Variants in ITPKC observed in about 807,000 individuals in gnomAD.
The protein encoded by ITPKC is inositol-trisphosphate 3-kinase C.
A neutral mutation model predicts 67.1 loss-of-function variants in ITPKC; 33 were observed. That is an observed-to-expected ratio of 0.49 (90% confidence interval 0.37 to 0.66). The LOEUF is 0.66. Ranked by LOEUF, ITPKC falls within the 30% of genes least tolerant of loss-of-function variation. The pLI, the probability that ITPKC is intolerant of heterozygous loss-of-function variation, is 0.00. For missense variants in ITPKC, 820 were observed against 892.1 expected (o/e 0.92, Z 1.03); for synonymous variants, 341 against 359.8 (o/e 0.95, Z 0.59).
In ITPKC at chr19:40,733,189, C is replaced by T. The variant is rs2082279627; in HGVS notation, c.1499C>T (p.Ala500Val). Residue 500 changes from alanine (A) to valine (V), a missense_variant, in exon 4 of 7, where the codon GCA becomes GTA. Ala to Val is a moderately conservative substitution (Grantham distance 64, BLOSUM62 0). This residue lies in a region of ITPKC where 339 missense variants were observed against 422.0 expected (regional missense o/e 0.80). Coordinates refer to ENST00000263370, the MANE Select transcript of ITPKC (RefSeq NM_025194.3). ...TATCTGGAAGAGGAGCTAGTGAAGG[C>T]ACGGGAACGTCCCCGTCCCCGGAAG... ...RTYLEEELVK[A>V]RERPRPRKDM... 6.2e-7 allele frequency: 1 copy of T among 1,614,208 alleles called. No individual in the cohort carries two copies. The highest frequency in any genetic ancestry group is 8.5e-7 in the Non-Finnish European group (1 of 1,180,014).
chr19:40,720,509 T>C (rs1036239669), intron 1 of ITPKC, among the ~76,000 whole-genome samples: 16 of 152,082 alleles, frequency 1.1e-4, no homozygotes, highest in Non-Finnish European at 2.4e-4. Context: ...GTTTAAACCC[T>C]CCAGTGTGTA....
At position 40,740,798 on chromosome 19, in the gene ITPKC, G is replaced by A. The variant is rs1197470100; in HGVS notation, c.*1238G>A. 5.1e-6 allele frequency: 2 copies of A among 395,052 alleles called. No homozygotes were observed. The highest frequency in any genetic ancestry group is 8.9e-6 in the Non-Finnish European group (2 of 224,288). 24.5% of individuals were successfully genotyped at this position (395,052 alleles called of 1,614,324 possible). ...GGGTAGTACTGGGAAGCAGGAGGCA[G>A]AATGGCTCTGCTGAGCCTCCTACCC... On this transcript the variant is annotated 3_prime_UTR_variant, in exon 7 of 7. Transcript: ENST00000263370.
At position 40,723,016 on chromosome 19, in the gene ITPKC, C is replaced by T. The variant is rs187986196; in HGVS notation, c.1156-2324C>T. Among the ~76,000 whole-genome samples the T allele has an allele frequency of 1.2e-3, 177 of 152,128 alleles. 3 individuals carry two copies. Among genetic ancestry groups the T allele is most frequent in the African/African-American group, 4.0e-3 (165 of 41,498 alleles). On this transcript the variant is annotated intron_variant, in intron 1 of 6. Coordinates refer to ENST00000263370, the MANE Select transcript of ITPKC (RefSeq NM_025194.3). ...TCGCTTTCTCGCCCAGGCTGGAGTG[C>T]AGTGGCACAATCTCGGCTCACTGCA...
intron 4 of ITPKC, among the ~76,000 whole-genome samples, chr19:40,733,763 G>C (rs2082282503): frequency 6.6e-6 from 1 of 152,046 alleles, no homozygotes; most frequent in African/African-American, 2.4e-5. Flanking sequence ...AAATATAATT[G>C]TATGAATAGG....
Position 40,739,830 on chromosome 19 carries a change from G to C in ITPKC, c.*270G>C, listed in dbSNP as rs190675206. On this transcript the variant is annotated 3_prime_UTR_variant, in exon 7 of 7. Coordinates refer to ENST00000263370, the MANE Select transcript of ITPKC (RefSeq NM_025194.3). Reference sequence around the variant, plus strand: ...CAGAAAAACCAGAACGGGGTCCCCGGATCTGCCGGGAAGGCTTCTGAGGGG... The same window carrying C: ...CAGAAAAACCAGAACGGGGTCCCCGCATCTGCCGGGAAGGCTTCTGAGGGG... 3 of 516,816 alleles carry C rather than the reference G, an allele frequency of 5.8e-6. No homozygotes were observed. Among genetic ancestry groups the C allele is most frequent in the Non-Finnish European group, 1.0e-5 (3 of 286,918 alleles). 32.0% of individuals were successfully genotyped at this position (516,816 alleles called of 1,614,324 possible). A position where few individuals can be genotyped will look rare whatever the true frequency, so the allele number is the denominator to read the frequency against.
chr19:40,731,297 T>C (rs1215776071), intron 3 of ITPKC, among the ~76,000 whole-genome samples: 2 of 152,226 alleles, frequency 1.3e-5, no homozygotes, highest in African/African-American at 4.8e-5. Flanking sequence ...TATTGTGAAC[T>C]GTGCCTGCAA....
chr19:40,729,033 A>T (rs946092399), intron 2 of ITPKC, among the ~76,000 whole-genome samples, 169 bp from the exon 3 acceptor site: 3 of 152,032 alleles, frequency 2.0e-5, no homozygotes, highest in Non-Finnish European at 4.4e-5. Context: ...ATCTCAAAAA[A>T]ATAAAATAAA....
chr19:40,719,482 A>T (rs2082211203), intron 1 of ITPKC, among the ~76,000 whole-genome samples: 1 of 151,632 alleles, frequency 6.6e-6, no homozygotes, highest in Non-Finnish European at 1.5e-5. Context: ...AGCAACCCTA[A>T]TGAGGTAGAT....
chr19:40,717,356 C>T lies in ITPKC; in HGVS notation c.221C>T (p.Ala74Val), dbSNP rs780848531. Residue 74 changes from alanine to valine, a missense_variant, in exon 1 of 7, where the codon GCC becomes GTC. Ala to Val is a moderately conservative substitution (Grantham distance 64). Coordinates refer to ENST00000263370, the MANE Select transcript of ITPKC (RefSeq NM_025194.3). ...AGCCTCCACAGCGAGCCTGAGAGGG[C>T]CGGCCTCGGGCCTGCGCCGGGGACA... ...GSSLHSEPER[A>V]GLGPAPGTES... 3 of 1,611,082 alleles carry T rather than the reference C, an allele frequency of 1.9e-6. No individual in the cohort carries two copies. Among genetic ancestry groups the T allele is most frequent in the Non-Finnish European group, 1.7e-6 (2 of 1,179,422 alleles).
intron 2 of ITPKC, among the ~76,000 whole-genome samples, chr19:40,728,028 G>A (rs545139523): frequency 3.3e-5 from 5 of 152,154 alleles, no homozygotes; most frequent in African/African-American, 1.2e-4. Context: ...TTCTATAAGA[G>A]CAGGATCAGG....
intron 1 of ITPKC, among the ~76,000 whole-genome samples, chr19:40,721,745 A>T (rs1014127478): frequency 6.6e-6 from 1 of 151,670 alleles, no homozygotes; most frequent in Non-Finnish European, 1.5e-5. Flanking sequence ...TATGCCTATA[A>T]TCCCAGCACT....
rs2144756908 is a variant in ITPKC at position 40,737,828 on chromosome 19, G to A, written c.1848+59G>A. ...GGTGTCGGGGTCCAGGTGCATGGAG[G>A]GGAAACCATTGATGAGTTACAGGTC... On this transcript the variant is annotated intron_variant, in intron 6 of 6. Transcript: ENST00000263370. 1.4e-5 allele frequency: 20 copies of A among 1,407,708 alleles called. No individual in the cohort carries two copies. In the South Asian group the frequency reaches 2.2e-4, roughly 15 times the overall value. 87.2% of individuals were successfully genotyped at this position (1,407,708 alleles called of 1,614,324 possible). A position where few individuals can be genotyped will look rare whatever the true frequency, so the allele number is the denominator to read the frequency against.
At chr19:40,736,424 C>T (rs1420788209) in intron 4 of ITPKC, among the ~76,000 whole-genome samples, 1 of 152,100 alleles carries the variant, frequency 6.6e-6, no homozygotes, top group Non-Finnish European at 1.5e-5. Flanking sequence ...GGCATGTGAC[C>T]TGGGGCTGGG....
chr19:40,724,319 G>A (rs2082236105), intron 1 of ITPKC, among the ~76,000 whole-genome samples: 1 of 152,234 alleles, frequency 6.6e-6, no homozygotes, highest in South Asian at 2.1e-4. Flanking sequence ...GAGTCCAGGA[G>A]TTGGAGGTTG....
intron 1 of ITPKC, among the ~76,000 whole-genome samples, chr19:40,724,989 G>A (rs75485347): frequency 6.6e-6 from 1 of 151,608 alleles, no homozygotes; most frequent in East Asian, 1.9e-4. Flanking sequence ...TGTATGTGCA[G>A]TGGAAGATGT....
In ITPKC at chr19:40,733,182, G is replaced by C. The variant is rs781200329; in HGVS notation, c.1492G>C (p.Val498Leu). The change falls in exon 4 of 7, where the codon GTG becomes CTG. Residue 498 changes from valine (V) to leucine (L), a missense_variant. Physicochemically the swap from Val to Leu is conservative, Grantham distance 32. Transcript: ENST00000263370. ...GSRTYLEEEL[V>L]KARERPRPRK... is the part of the protein sequence containing the mutation. The stretch of plus-strand genomic sequence containing the variant: ...CAGGACCTATCTGGAAGAGGAGCTA[G>C]TGAAGGCACGGGAACGTCCCCGTCC... 4 of 1,614,124 alleles carry C rather than the reference G, an allele frequency of 2.5e-6. No homozygotes were observed. In the East Asian group the frequency reaches 8.9e-5, roughly 36 times the overall value.
intron 1 of ITPKC, among the ~76,000 whole-genome samples, chr19:40,719,524 C>T (rs1160424326): frequency 6.6e-6 from 1 of 151,466 alleles, no homozygotes; most frequent in Non-Finnish European, 1.5e-5. Context: ...CAGTCTCGCT[C>T]TGTTGCCCAG....
At chr19:40,723,647 T>C (rs1394828634) in intron 1 of ITPKC, among the ~76,000 whole-genome samples, 1 of 151,898 alleles carries the variant, frequency 6.6e-6, no homozygotes, top group African/African-American at 2.4e-5. Flanking sequence ...CAGGTGTGTA[T>C]CACCACGCCC....
intron 1 of ITPKC, among the ~76,000 whole-genome samples, chr19:40,720,591 C>T (rs2082217400): frequency 6.6e-6 from 1 of 151,960 alleles, no homozygotes; most frequent in African/African-American, 2.4e-5. Flanking sequence ...CCAGAATCTG[C>T]CTCCATGGCC....
Sources: gnomAD v4.1 joint callset for allele counts (sites outside exome capture counted in the v4.1 genomes callset) on GRCh38, gnomAD v4.1.1 for gene constraint, gnomAD v4.1.1 regional missense constraint, MANE v1.5 for transcripts, NCBI Gene and HGNC (gene_info 2026-07-23, HGNC 2026-07-21) for gene names.